Variants in SATB1 observed in about 807,000 individuals in gnomAD.
SATB1 encodes the protein SATB homeobox 1.
In SATB1, 11 loss-of-function variants were observed where a neutral mutation model predicts 86.9. The observed-to-expected ratio is 0.13, with a 90% CI of 0.08 to 0.21. The LOEUF (loss-of-function observed/expected upper bound fraction) is 0.21. Ranked by LOEUF, SATB1 falls within the 10% of genes least tolerant of loss-of-function variation. SATB1 has a pLI of 1.00. For synonymous variants in SATB1, 357 were observed against 357.2 expected (o/e 1.00, Z 0.01); for missense variants, 551 against 937.6 (o/e 0.59, Z 5.39).
chr3:18,437,120 G>C (rs1429825211), intron 1 of SATB1, among the ~76,000 whole-genome samples: 3 of 151,986 alleles, frequency 2.0e-5, no homozygotes, highest in African/African-American at 4.8e-5. Context: ...ATCACAATTT[G>C]GCTAAAGAAA....
intron 3 of SATB1, among the ~76,000 whole-genome samples, chr3:18,416,610 G>A (rs996949874): frequency 5.3e-5 from 8 of 151,966 alleles, no homozygotes; most frequent in South Asian, 2.1e-4. Flanking sequence ...GCTCAAATAC[G>A]CTCCTCACTT....
chr3:18,417,175 A>G lies in SATB1; in HGVS notation c.212-97T>C. 3 of 1,258,312 alleles carry G rather than the reference A, an allele frequency of 2.4e-6. No individual in the cohort carries two copies. In the Middle Eastern group the frequency reaches 7.3e-4, roughly 305 times the overall value. The allele number at this position is 1,258,312 out of a possible 1,614,324, so 77.9% of individuals were successfully genotyped here. A position where few individuals can be genotyped will look rare whatever the true frequency, so the allele number is the denominator to read the frequency against. ...GGAAATATTAGCCATGAAAATAAAT[A>G]ATCACAAGAGATTCACTGTGCTTCC... On this transcript the variant is annotated intron_variant, in intron 2 of 10. Transcript: ENST00000338745.
At chr3:18,388,547 G>T (rs1696464729) in intron 7 of SATB1, among the ~76,000 whole-genome samples, 2 of 152,082 alleles carry the variant, frequency 1.3e-5, no homozygotes, top group South Asian at 4.1e-4. Flanking sequence ...TGTCTCTCAT[G>T]TAAATGTTTG....
chr3:18,397,429 CTTCGACTT>C (rs1559433627), intron 5 of SATB1, 139 bp from the exon 6 acceptor site: 2 of 591,270 alleles, frequency 3.4e-6, no homozygotes, highest in Non-Finnish European at 3.0e-6. Flanking sequence ...TAGCCTAAAG[CTTCGACTT>C]CTTAATATTC....
upstream of SATB1, among the ~76,000 whole-genome samples, chr3:18,429,288 A>T (rs1414450335): frequency 6.6e-6 from 1 of 152,230 alleles, no homozygotes; most frequent in Non-Finnish European, 1.5e-5. The surrounding 1 kb of genome is among the most constrained non-coding windows in gnomAD (Gnocchi z 4.1). Context: ...ACCAAATACC[A>T]ATTTGAAAGA....
At chr3:18,412,009 G>C (rs1272934049) in intron 5 of SATB1, among the ~76,000 whole-genome samples, 1 of 151,084 alleles carries the variant, frequency 6.6e-6, no homozygotes, top group Non-Finnish European at 1.5e-5. Context: ...GTCTCGTTCT[G>C]TCACCAAACT....
At chr3:18,395,038 C>A (rs1053252185) in intron 6 of SATB1, 122 bp from the exon 7 acceptor site, 21 of 763,458 alleles carry the variant, frequency 2.8e-5, no homozygotes, top group Non-Finnish European at 4.0e-5. Context: ...CCAATAAAAC[C>A]AAGAAAATTT....
intron 1 of SATB1, chr3:18,445,056 C>T: frequency 3.3e-6 from 1 of 303,960 alleles, no homozygotes; most frequent in Non-Finnish European, 4.8e-6. Flanking sequence ...CCCGCAGCCA[C>T]CCGGGACGCG....
chr3:18,438,979 A>G (rs1241422272), upstream of SATB1, among the ~76,000 whole-genome samples: 2 of 152,232 alleles, frequency 1.3e-5, no homozygotes, highest in Non-Finnish European at 2.9e-5. Context: ...GTGTGCAACA[A>G]TAAGCAGGCT....
At chr3:18,422,820 T>C (rs1407157859) in intron 1 of SATB1, among the ~76,000 whole-genome samples, 5 of 152,182 alleles carry the variant, frequency 3.3e-5, no homozygotes, top group African/African-American at 1.2e-4. Context: ...TCAAAGTTAA[T>C]GCTATAAAAC....
intron 5 of SATB1, among the ~76,000 whole-genome samples, chr3:18,404,931 T>C (rs1485209105): frequency 6.6e-6 from 1 of 151,982 alleles, no homozygotes. Flanking sequence ...CTAGATAATC[T>C]CCAACGTCTC....
intron 9 of SATB1, among the ~76,000 whole-genome samples, chr3:18,368,415 T>C (rs990368267): frequency 6.6e-6 from 1 of 151,936 alleles, no homozygotes; most frequent in African/African-American, 2.4e-5. Flanking sequence ...GAAGAAAAAA[T>C]ATCAGATTTT....
At chr3:18,417,886 G>T (rs1470195922) in intron 2 of SATB1, among the ~76,000 whole-genome samples, 1 of 152,084 alleles carries the variant, frequency 6.6e-6, no homozygotes, top group Non-Finnish European at 1.5e-5. Context: ...GATTTGGTGT[G>T]CTCTCTCTTT....
At chr3:18,396,020 C>CT (rs982082319) in intron 6 of SATB1, among the ~76,000 whole-genome samples, 44 of 152,310 alleles carry the variant, frequency 2.9e-4, no homozygotes, top group African/African-American at 1.1e-3. Context: ...TTTAGAGGAA[C>CT]TTTATCATAG....
upstream of SATB1, among the ~76,000 whole-genome samples, chr3:18,425,688 C>G (rs1191202966): frequency 6.6e-6 from 1 of 151,534 alleles, no homozygotes; most frequent in African/African-American, 2.4e-5. Context: ...GGGCTAGCGC[C>G]GGCCGCCGCC....
intron 1 of SATB1, among the ~76,000 whole-genome samples, chr3:18,423,182 GTTTCT>G (rs900060417): frequency 9.9e-5 from 15 of 152,266 alleles, no homozygotes; most frequent in African/African-American, 3.4e-4. Context: ...AGGCTGAAGA[GTTTCT>G]TTTGAGTTAC....
At chr3:18,412,301 T>C (rs1697891272) in intron 5 of SATB1, among the ~76,000 whole-genome samples, 1 of 152,046 alleles carries the variant, frequency 6.6e-6, no homozygotes, top group South Asian at 2.1e-4. Context: ...TAGCAAGTAT[T>C]AGACAATCGT....
Position 18,444,637 on chromosome 3 carries a change from T to C in SATB1, c.-25+881A>G, listed in dbSNP as rs1318195251. On this transcript the variant is annotated intron_variant, in intron 1 of 3. Coordinates refer to the SATB1 transcript ENST00000415069. This position sits in a 1 kb window ranked among gnomAD's most constrained non-coding sequence, Gnocchi z 5.1. Reference sequence around the variant, plus strand: ...CATGGACGTTGGGGGCGGCGGTGGCTGTCGAGTGCGGGCCTGAAACCAAGA... The same window carrying C: ...CATGGACGTTGGGGGCGGCGGTGGCCGTCGAGTGCGGGCCTGAAACCAAGA... 1.0e-5 allele frequency: 10 copies of C among 982,220 alleles called. No homozygotes were observed. Among genetic ancestry groups the C allele is most frequent in the Non-Finnish European group, 1.2e-5 (10 of 829,090 alleles). 60.8% of individuals were successfully genotyped at this position (982,220 alleles called of 1,614,324 possible).
intron 9 of SATB1, among the ~76,000 whole-genome samples, chr3:18,374,967 T>C (rs1457796016): frequency 1.3e-5 from 2 of 152,160 alleles, no homozygotes; most frequent in East Asian, 3.9e-4. Flanking sequence ...TCCAATATTA[T>C]ACCACCAATG....
Sources: gnomAD v4.1 joint callset for allele counts (sites outside exome capture counted in the v4.1 genomes callset) on GRCh38, gnomAD v4.1.1 for gene constraint, Gnocchi (gnomAD v3.1) non-coding constraint, MANE v1.5 for transcripts, NCBI Gene and HGNC (gene_info 2026-07-23, HGNC 2026-07-21) for gene names.